DNAAF1: variants seen among roughly 807,000 people sequenced by gnomAD.
DNAAF1 encodes dynein assembly factor 1, axonemal.
DNAAF1 carries 65 observed loss-of-function variants against 71.1 expected under a neutral mutation model. The observed-to-expected ratio is 0.91, with a 90% CI of 0.75 to 1.12. The LOEUF is 1.12. Among genes scored for constraint, DNAAF1 ranks in the 50% most tolerant of loss-of-function variants. The probability of loss-of-function intolerance (pLI) is 0.00; values close to 1 mark genes in which losing one functional copy is unlikely to be tolerated. For missense variants in DNAAF1, 1,178 were observed against 899.8 expected, an observed-to-expected ratio of 1.31 and a Z score of -3.96; for synonymous variants, 414 against 354.6, an observed-to-expected ratio of 1.17 and a Z score of -1.88.
chr16:84,164,820 T>C (rs1454398177), intron 6 of DNAAF1, among the ~76,000 whole-genome samples: 2 of 152,250 alleles, frequency 1.3e-5, no homozygotes, highest in Non-Finnish European at 2.9e-5. Flanking sequence ...AGAGTATTTT[T>C]AGTCCCGTAA....
intron 3 of DNAAF1, among the ~76,000 whole-genome samples, chr16:84,151,485 C>T (rs755110327): frequency 1.9e-4 from 29 of 152,016 alleles, no homozygotes; most frequent in Non-Finnish European, 3.8e-4. Context: ...GACAGACTGC[C>T]GGGGGACTGA....
chr16:84,152,248 C>T (rs905753038), intron 3 of DNAAF1, among the ~76,000 whole-genome samples: 1 of 152,140 alleles, frequency 6.6e-6, no homozygotes, highest in Non-Finnish European at 1.5e-5. Context: ...GAGCAAAGAC[C>T]AGGGAGAAAA....
chr16:84,165,053 A>C (rs1181116609), intron 6 of DNAAF1, among the ~76,000 whole-genome samples: 1 of 152,072 alleles, frequency 6.6e-6, no homozygotes, highest in Non-Finnish European at 1.5e-5. Flanking sequence ...CCATCTCTAT[A>C]TCTTTTTTGG....
At chr16:84,146,054 GC>G (rs1302746140) in intron 1 of DNAAF1, among the ~76,000 whole-genome samples, 2 of 152,020 alleles carry the variant, frequency 1.3e-5, no homozygotes, top group African/African-American at 4.8e-5. Context: ...CCAAGATCTC[GC>G]CATTGCATTC....
intron 6 of DNAAF1, among the ~76,000 whole-genome samples, chr16:84,161,318 G>A (rs756543670): frequency 4.6e-5 from 7 of 152,196 alleles, no homozygotes; most frequent in Non-Finnish European, 7.3e-5. Context: ...TAACATGGAT[G>A]TTAGCAATAG....
intron 9 of DNAAF1, chr16:84,173,097 C>G (rs997610910): frequency 2.0e-6 from 2 of 986,228 alleles, no homozygotes; most frequent in African/African-American, 1.7e-5. Context: ...CCCCTGCCCA[C>G]TTCCTTGTTA....
chr16:84,158,000 G>T (rs1287147206), intron 5 of DNAAF1, among the ~76,000 whole-genome samples: 1 of 152,148 alleles, frequency 6.6e-6, no homozygotes, highest in Non-Finnish European at 1.5e-5. Flanking sequence ...GAGGTCGGGA[G>T]ATCGAGACCT....
intron 5 of DNAAF1, among the ~76,000 whole-genome samples, chr16:84,158,103 G>A (rs1321913726): frequency 1.3e-5 from 2 of 152,132 alleles, no homozygotes; most frequent in Admixed American, 1.3e-4. Flanking sequence ...TACTCTGGTG[G>A]CTGAGGCAGG....
chr16:84,154,513 G>T lies in DNAAF1; in HGVS notation c.353-64G>T, dbSNP rs1327563451. 4.1e-6 allele frequency: 6 copies of T among 1,459,444 alleles called. No homozygotes were observed. The Admixed American group carries it at 6.9e-5, about 17-fold the overall frequency. 90.4% of individuals were successfully genotyped at this position (1,459,444 alleles called of 1,614,324 possible). On this transcript the variant is annotated intron_variant, in intron 3 of 11. Transcript: ENST00000378553. ...GTTCCTAATAGTAGGCAAAAACAAG[G>T]GTGACCGTGACCCCTCTGCCCTGGG...
chr16:84,177,294 T>C (rs1051718892), intron 11 of DNAAF1: 1 of 275,988 alleles, frequency 3.6e-6, no homozygotes, highest in African/African-American at 2.2e-5. Flanking sequence ...TTTGTTTTGT[T>C]TGAGACAGTC....
Position 84,172,190 on chromosome 16 carries a change from C to G in DNAAF1, c.1529-70C>G, listed in dbSNP as rs575783602. ...CCGAGCCCGGCCCTTGGGAGCCCAT[C>G]TTCACCGTAGGCTCGTCCATCTGCC... On this transcript the variant is annotated intron_variant, in intron 8 of 11. Coordinates refer to ENST00000378553, the MANE Select transcript of DNAAF1 (RefSeq NM_178452.6). 1.8e-5 allele frequency: 26 copies of G among 1,473,480 alleles called. No individual in the cohort carries two copies. The South Asian group carries it at 2.4e-4, about 13-fold the overall frequency. 91.3% of individuals were successfully genotyped at this position (1,473,480 alleles called of 1,614,324 possible). A position where few individuals can be genotyped will look rare whatever the true frequency, so the allele number is the denominator to read the frequency against.
intron 7 of DNAAF1, among the ~76,000 whole-genome samples, chr16:84,168,050 C>T (rs888193421): frequency 2.0e-4 from 30 of 152,200 alleles, no homozygotes; most frequent in African/African-American, 7.2e-4. Flanking sequence ...TCTGTTTTAC[C>T]CTATTGCAGT....
chr16:84,145,922 C>T (rs954949248), intron 1 of DNAAF1, among the ~76,000 whole-genome samples: 4 of 152,020 alleles, frequency 2.6e-5, no homozygotes, highest in Non-Finnish European at 5.9e-5. Flanking sequence ...ATAGTGAAAC[C>T]CTGTCTCTAC....
intron 6 of DNAAF1, among the ~76,000 whole-genome samples, chr16:84,160,042 A>G (rs552073804): frequency 3.3e-5 from 5 of 152,218 alleles, no homozygotes; most frequent in African/African-American, 1.2e-4. Context: ...AGTTCCTTGG[A>G]ATGGAATTTT....
intron 6 of DNAAF1, among the ~76,000 whole-genome samples, chr16:84,161,077 G>A (rs899069971): frequency 6.6e-6 from 1 of 152,178 alleles, no homozygotes; most frequent in Non-Finnish European, 1.5e-5. Flanking sequence ...TCCCAAGCCA[G>A]CTCTGCAGCC....
In DNAAF1 at chr16:84,176,067, A is replaced by C. The variant is rs755261704; in HGVS notation, c.1833A>C (p.Lys611Asn). The C allele has an allele frequency of 6.2e-7, 1 of 1,614,174 alleles. No homozygotes were observed. The highest frequency in any genetic ancestry group is 8.5e-7 in the Non-Finnish European group (1 of 1,180,020). ...TGTCAAATATATTTGCAGTCTCTAAAGACACCTCAAAGGCGGCTCGGGTGC... is the reference window on the plus strand; with the variant it reads ...TGTCAAATATATTTGCAGTCTCTAACGACACCTCAAAGGCGGCTCGGGTGC... ...DTLSNIFAVS[K>N]DTSKAARVPF... Residue 611 changes from lysine (K) to asparagine (N), a missense_variant, in exon 11 of 12, where the codon AAA becomes AAC. Coordinates refer to ENST00000378553, the MANE Select transcript of DNAAF1 (RefSeq NM_178452.6).
Position 84,170,126 on chromosome 16 carries a change from AC to A in DNAAF1, c.1299del (p.Asp433GlufsTer47), listed in dbSNP as rs1203219649. ...LSSPVEVKGEDGDGEPEGTLP... is the reference protein window; with the variant it reads ...LSSPVEVKGEXGDGEPEGTLP... Reference sequence around the variant, plus strand: ...TCACCTGTGGAGGTTAAAGGAGAGGACGGAGATGGAGAGCCAGAGGGGACCC... The same window carrying A: ...TCACCTGTGGAGGTTAAAGGAGAGGAGGAGATGGAGAGCCAGAGGGGACCC... On this transcript the variant is annotated frameshift_variant, in exon 8 of 12. Transcript: ENST00000378553. LOFTEE classifies it high-confidence loss of function. 1 of 1,582,802 alleles carries A rather than the reference AC, an allele frequency of 6.3e-7. No homozygotes were observed. The highest frequency in any genetic ancestry group is 1.3e-5 in the African/African-American group (1 of 74,180).
At chr16:84,175,904 C>A (rs749117087) in intron 10 of DNAAF1, 29 bp from the exon 11 acceptor site, 1 of 1,612,836 alleles carries the variant, frequency 6.2e-7, no homozygotes, top group South Asian at 1.1e-5. Flanking sequence ...AAAACAGAAA[C>A]TTTCAGACAC....
Position 84,165,969 on chromosome 16 carries a change from C to A in DNAAF1, c.1030+20C>A, listed in dbSNP as rs992256530. 2 of 1,597,902 alleles carry A rather than the reference C, an allele frequency of 1.3e-6. No homozygotes were observed. The highest frequency in any genetic ancestry group is 1.7e-6 in the Non-Finnish European group (2 of 1,171,456). ...AGAGAGGTATGCGCTCGGCCGAAGA[C>A]AACAGCCCCAGAGTTCCTTTGAGAT... On this transcript the variant is annotated intron_variant, in intron 7 of 11. Coordinates refer to ENST00000378553, the MANE Select transcript of DNAAF1 (RefSeq NM_178452.6).
Sources: gnomAD v4.1 joint callset for allele counts (sites outside exome capture counted in the v4.1 genomes callset) on GRCh38, gnomAD v4.1.1 for gene constraint, MANE v1.5 for transcripts, NCBI Gene and HGNC (gene_info 2026-07-23, HGNC 2026-07-21) for gene names.